The following ZNF487 variants were observed in gnomAD, a reference collection of about 807,000 sequenced individuals.
ZNF487 encodes the protein zinc finger protein 487.
A neutral mutation model predicts 3.0 loss-of-function variants in ZNF487; 4 were observed. The observed-to-expected ratio is 1.35, with a 90% CI of 0.66 to 3.08. The LOEUF (loss-of-function observed/expected upper bound fraction) is 3.08, where lower values mean the gene tolerates loss of function less well. ZNF487 is among the 30% of genes most tolerant of loss of function. The pLI is 0.01. For missense variants in ZNF487, 146 were observed against 98.7 expected, an observed-to-expected ratio of 1.48 and a Z score of -2.03; for synonymous variants, 55 against 34.6, an observed-to-expected ratio of 1.59 and a Z score of -2.06.
At position 43,481,913 on chromosome 10, in the gene ZNF487, G is replaced by C. The variant is rs780325740; in HGVS notation, c.615G>C (p.Glu205Asp). 3.0e-6 allele frequency: 2 copies of C among 662,876 alleles called. No individual in the cohort carries two copies. The highest frequency in any genetic ancestry group is 2.7e-6 in the Non-Finnish European group (1 of 368,838). The allele number at this position is 662,876 out of a possible 1,614,324, so 41.1% of individuals were successfully genotyped here. A position where few individuals can be genotyped will look rare whatever the true frequency, so the allele number is the denominator to read the frequency against. Residue 205 changes from glutamate (E) to aspartate (D), a missense_variant, in exon 4 of 4, where the codon GAG (glutamate) becomes GAC (aspartate). Physicochemically the swap from Glu to Asp is conservative, Grantham distance 45 (BLOSUM62 2). Coordinates refer to ENST00000437590, the MANE Select transcript of ZNF487 (RefSeq NM_001355444.3). ...CSTHKRVCSW[E>D]TL ...CCCATAAGAGAGTGTGCTCATGGGA[G>C]ACCCTGTGAATATAATGAACATGTG... is the stretch of plus-strand genomic sequence containing the variant.
chr10:43,505,354 G>T, the ZNF487 span, among the ~76,000 whole-genome samples: 1 of 151,190 alleles, frequency 6.6e-6, no homozygotes, highest in Non-Finnish European at 1.5e-5. Flanking sequence ...GTGTGATCTT[G>T]GCTCACTGCA....
At chr10:43,469,054 T>C (rs1483818752) in intron 1 of ZNF487, among the ~76,000 whole-genome samples, 9 of 146,106 alleles carry the variant, frequency 6.2e-5, no homozygotes, top group African/African-American at 2.0e-4. Context: ...GCAGACTTAA[T>C]TGTCCTTTTA....
At chr10:43,442,414 G>T (rs2132034352) in intron 1 of ZNF487, among the ~76,000 whole-genome samples, 1 of 152,028 alleles carries the variant, frequency 6.6e-6, no homozygotes, top group East Asian at 1.9e-4. Context: ...CTCTTCATTT[G>T]CTTAGATTTT....
intron 1 of ZNF487, among the ~76,000 whole-genome samples, chr10:43,444,488 A>G (rs1458625700): frequency 6.6e-6 from 1 of 152,112 alleles, no homozygotes; most frequent in Non-Finnish European, 1.5e-5. Context: ...TTTGAAAGAC[A>G]TTTTTGTTGC....
intron 1 of ZNF487, among the ~76,000 whole-genome samples, chr10:43,464,172 CT>C (rs894191432): frequency 8.8e-4 from 131 of 149,308 alleles, no homozygotes; most frequent in African/African-American, 2.7e-3. Context: ...CAAAGGAAAA[CT>C]TTTTTTTTCT....
chr10:43,461,383 G>A (rs927440819), intron 1 of ZNF487, among the ~76,000 whole-genome samples: 1 of 151,542 alleles, frequency 6.6e-6, no homozygotes, highest in Non-Finnish European at 1.5e-5. Flanking sequence ...GTGGTGTGAT[G>A]ATCATAACTC....
intron 1 of ZNF487, among the ~76,000 whole-genome samples, chr10:43,457,552 C>G (rs1840256706): frequency 8.8e-6 from 1 of 114,060 alleles, no homozygotes; most frequent in Admixed American, 1.1e-4. Context: ...AAGACTCTGT[C>G]TTGGGGAAAA....
the ZNF487 span, among the ~76,000 whole-genome samples, chr10:43,522,999 C>A: frequency 6.6e-6 from 1 of 152,182 alleles, no homozygotes; most frequent in Non-Finnish European, 1.5e-5. Context: ...GTTTATTCCA[C>A]TTTATCCAGT....
At chr10:43,470,456 T>A (rs531409072) in intron 1 of ZNF487, among the ~76,000 whole-genome samples, 14 of 151,752 alleles carry the variant, frequency 9.2e-5, no homozygotes, top group South Asian at 8.3e-4. Context: ...TGATCTCACC[T>A]CACCGCAACC....
chr10:43,471,492 A>C (rs1442689092), intron 1 of ZNF487, among the ~76,000 whole-genome samples: 2 of 152,192 alleles, frequency 1.3e-5, no homozygotes, highest in Non-Finnish European at 2.9e-5. Flanking sequence ...GGCCAGCGTG[A>C]CAGTCTTTCT....
chr10:43,456,882 A>T (rs1426722666), intron 1 of ZNF487, among the ~76,000 whole-genome samples: 1 of 152,184 alleles, frequency 6.6e-6, no homozygotes, highest in African/African-American at 2.4e-5. Flanking sequence ...CTCCTGGCCA[A>T]GAAAATTATG....
At chr10:43,448,852 T>C (rs1262340245) in intron 1 of ZNF487, among the ~76,000 whole-genome samples, 1 of 151,778 alleles carries the variant, frequency 6.6e-6, no homozygotes, top group Non-Finnish European at 1.5e-5. Context: ...AAAAATGAGC[T>C]GGGCATTGTG....
the ZNF487 span, among the ~76,000 whole-genome samples, chr10:43,521,631 C>T: frequency 6.6e-6 from 1 of 152,198 alleles, no homozygotes; most frequent in African/African-American, 2.4e-5. Flanking sequence ...ACAATGAAAG[C>T]ACCAAGAGTC....
At chr10:43,452,256 CAA>C (rs1840036141) in intron 1 of ZNF487, 1 of 152,184 alleles carries the variant, frequency 6.6e-6, no homozygotes, top group Non-Finnish European at 1.5e-5. Flanking sequence ...ATGGCTGATT[CAA>C]AAGCCCAGGT....
At chr10:43,497,428 A>G in the ZNF487 span, among the ~76,000 whole-genome samples, 1 of 152,192 alleles carries the variant, frequency 6.6e-6, no homozygotes, top group African/African-American at 2.4e-5. Context: ...CAAAGAAGTG[A>G]CAGGATCTGA....
At chr10:43,473,709 A>G (rs1840990010) in intron 1 of ZNF487, among the ~76,000 whole-genome samples, 1 of 150,838 alleles carries the variant, frequency 6.6e-6, no homozygotes. Flanking sequence ...TACCTTCGCC[A>G]CCTTTTATAA....
chr10:43,515,833 G>A, the ZNF487 span, among the ~76,000 whole-genome samples: 2 of 152,148 alleles, frequency 1.3e-5, no homozygotes, highest in African/African-American at 2.4e-5. Context: ...GGAGTGCAGC[G>A]GTGCAATCTC....
downstream of ZNF487, among the ~76,000 whole-genome samples, chr10:43,487,823 A>G (rs1016134650): frequency 6.7e-6 from 1 of 149,408 alleles, no homozygotes; most frequent in Non-Finnish European, 1.5e-5. Context: ...AGTGGCCCTC[A>G]CCTGTATTCC....
Position 43,481,734 on chromosome 10 carries a change from T to C in ZNF487, c.436T>C (p.Tyr146His), listed in dbSNP as rs773012103. 1.4e-6 allele frequency: 1 copy of C among 716,516 alleles called. No homozygotes were observed. Among genetic ancestry groups the C allele is most frequent in the Non-Finnish European group, 2.6e-6 (1 of 385,036 alleles). The allele number at this position is 716,516 out of a possible 1,614,324, so 44.4% of individuals were successfully genotyped here. A position where few individuals can be genotyped will look rare whatever the true frequency, so the allele number is the denominator to read the frequency against. Reference sequence around the variant, plus strand: ...CCTCTGTATGAAGCGTGAGAATCCTTATGCCAGAGGGAAACCTTTGGAATA... The same window carrying C: ...CCTCTGTATGAAGCGTGAGAATCCTCATGCCAGAGGGAAACCTTTGGAATA... ...FLLCMKRENPYARGKPLEYDG... is the reference protein window; with the variant it reads ...FLLCMKRENPHARGKPLEYDG... Residue 146 changes from tyrosine (Y) to histidine (H), a missense_variant, in exon 4 of 4, where the codon TAT (tyrosine) becomes CAT (histidine). Physicochemically the swap from Tyr to His is moderately conservative, Grantham distance 83 (BLOSUM62 2). Coordinates refer to ENST00000437590, the MANE Select transcript of ZNF487 (RefSeq NM_001355444.3).
Sources: gnomAD v4.1 joint callset for allele counts (sites outside exome capture counted in the v4.1 genomes callset) on GRCh38, gnomAD v4.1.1 for gene constraint, MANE v1.5 for transcripts, NCBI Gene and HGNC (gene_info 2026-07-23, HGNC 2026-07-21) for gene names.